DYNC1I1: variants seen among roughly 807,000 people sequenced by gnomAD.
DYNC1I1 encodes cytoplasmic dynein 1 intermediate chain 1.
In DYNC1I1, 43 loss-of-function variants were observed where a neutral mutation model predicts 86.6. That is an observed-to-expected ratio of 0.50 (90% CI 0.39 to 0.64). DYNC1I1 has a LOEUF of 0.64. Among genes scored for constraint, DYNC1I1 ranks in the 30% least tolerant of loss-of-function variants. DYNC1I1 has a pLI of 0.00. For missense variants in DYNC1I1, 604 were observed against 788.8 expected, an observed-to-expected ratio of 0.77 and a Z score of 2.81; for synonymous variants, 262 against 283.7, an observed-to-expected ratio of 0.92 and a Z score of 0.77.
At chr7:96,051,459 C>A (rs1344068389) in intron 14 of DYNC1I1, among the ~76,000 whole-genome samples, 1 of 152,088 alleles carries the variant, frequency 6.6e-6, no homozygotes, top group African/African-American at 2.4e-5. Flanking sequence ...TTTTGGACAC[C>A]ACCCTGGGGT....
intron 14 of DYNC1I1, among the ~76,000 whole-genome samples, chr7:96,051,222 G>A (rs1362064895): frequency 6.6e-6 from 1 of 152,010 alleles, no homozygotes; most frequent in Non-Finnish European, 1.5e-5. Context: ...ATTTATTTTG[G>A]TCCTGGTACA....
Position 95,776,923 on chromosome 7 carries a change from G to A in DYNC1I1, c.-10+4150G>A, listed in dbSNP as rs560644115. On this transcript the variant is annotated intron_variant, in intron 1 of 16. Coordinates refer to ENST00000447467, the MANE Select transcript of DYNC1I1 (RefSeq NM_001135556.2). ...ATTTTTCTCTTTCTTTGACAAACAA[G>A]GAGATGCTTGGAGGGATTAAGTCAC... Among the ~76,000 whole-genome samples, 49 of 152,326 alleles carry A rather than the reference G, an allele frequency of 3.2e-4. 1 individual carries two copies. Among genetic ancestry groups the A allele is most frequent in the Non-Finnish European group, 2.4e-4 (16 of 68,042 alleles).
intron 1 of DYNC1I1, among the ~76,000 whole-genome samples, chr7:95,788,080 A>G (rs1313150469): frequency 2.0e-5 from 3 of 152,092 alleles, no homozygotes; most frequent in Non-Finnish European, 4.4e-5. Context: ...GGCTATTACA[A>G]GGAATTTGGC....
chr7:95,917,649 A>G (rs1791504329), intron 6 of DYNC1I1, among the ~76,000 whole-genome samples: 1 of 152,192 alleles, frequency 6.6e-6, no homozygotes, highest in South Asian at 2.1e-4. Flanking sequence ...TACCACGGGA[A>G]TTGCATTTGC....
At chr7:95,776,185 C>T (rs955887977) in intron 1 of DYNC1I1, among the ~76,000 whole-genome samples, 2 of 152,088 alleles carry the variant, frequency 1.3e-5, no homozygotes, top group Admixed American at 6.6e-5. Context: ...AGAGCAAGGC[C>T]CTGTCTTAAA....
chr7:95,854,373 A>G (rs1299878753), intron 5 of DYNC1I1, among the ~76,000 whole-genome samples: 3 of 152,114 alleles, frequency 2.0e-5, no homozygotes, highest in Non-Finnish European at 4.4e-5. Flanking sequence ...AGTTTATATT[A>G]TATTAAGGTG....
intron 5 of DYNC1I1, among the ~76,000 whole-genome samples, chr7:95,850,106 G>C (rs575424821): frequency 3.3e-5 from 5 of 151,890 alleles, no homozygotes; most frequent in African/African-American, 1.2e-4. Context: ...AGGTTTTTTA[G>C]TGAAGTCTTT....
At chr7:96,019,488 A>C (rs1239270494) in intron 10 of DYNC1I1, among the ~76,000 whole-genome samples, 1 of 152,062 alleles carries the variant, frequency 6.6e-6, no homozygotes, top group African/African-American at 2.4e-5. Context: ...ATTCTGACTA[A>C]ATTGGTATAG....
In DYNC1I1 at chr7:96,035,898, G is replaced by A. The variant is rs903199857; in HGVS notation, c.1364+146G>A. The A allele has an allele frequency of 2.0e-5, 27 of 1,332,588 alleles. 1 individual carries two copies. Among genetic ancestry groups the A allele is most frequent in the Non-Finnish European group, 2.8e-5 (27 of 968,538 alleles). The allele number at this position is 1,332,588 out of a possible 1,614,324, so 82.5% of individuals were successfully genotyped here. ...CTTCAACTCTTCATTATCTTAAAGA[G>A]CTGCATCTGCTCTGGTCATTAGCTG... On this transcript the variant is annotated intron_variant, in intron 13 of 16. Transcript: ENST00000447467.
chr7:96,041,626 A>C (rs1789055516), intron 14 of DYNC1I1, among the ~76,000 whole-genome samples: 1 of 152,216 alleles, frequency 6.6e-6, no homozygotes, highest in African/African-American at 2.4e-5. Context: ...CCAAGAGAGT[A>C]ACATTATTCA....
At chr7:95,850,328 T>C (rs978753446) in intron 5 of DYNC1I1, among the ~76,000 whole-genome samples, 2 of 152,308 alleles carry the variant, frequency 1.3e-5, no homozygotes, top group African/African-American at 4.8e-5. Flanking sequence ...TTGAGTATGA[T>C]GTTTGCTGTG....
intron 4 of DYNC1I1, among the ~76,000 whole-genome samples, chr7:95,815,026 T>G (rs1325357283): frequency 6.6e-6 from 1 of 152,152 alleles, no homozygotes; most frequent in East Asian, 1.9e-4. Context: ...TTAATGTATT[T>G]GACCATTTCT....
At chr7:95,965,525 C>T (rs574643126) in intron 6 of DYNC1I1, among the ~76,000 whole-genome samples, 15 of 152,140 alleles carry the variant, frequency 9.9e-5, no homozygotes, top group Non-Finnish European at 1.9e-4. Context: ...TTGCCATTAT[C>T]CAAGGAGAGT....
At chr7:96,108,250 T>G (rs557170048) in intron 16 of DYNC1I1, among the ~76,000 whole-genome samples, 9 of 152,176 alleles carry the variant, frequency 5.9e-5, no homozygotes, top group Non-Finnish European at 1.2e-4. Context: ...TTTGAGTGTA[T>G]GTTTACTGTC....
chr7:96,051,750 G>T (rs1300418601), intron 14 of DYNC1I1, among the ~76,000 whole-genome samples: 16 of 152,140 alleles, frequency 1.1e-4, no homozygotes, highest in Admixed American at 1.0e-3. Flanking sequence ...ATCCTCTGAT[G>T]GGGTTAAAAT....
intron 6 of DYNC1I1, among the ~76,000 whole-genome samples, chr7:95,910,533 G>A (rs1374789997): frequency 6.6e-6 from 1 of 152,162 alleles, no homozygotes; most frequent in African/African-American, 2.4e-5. Context: ...GAGGCTGAAG[G>A]GCAGGACAGG....
chr7:95,936,719 G>GA (rs1157516922), intron 6 of DYNC1I1, among the ~76,000 whole-genome samples: 18 of 151,800 alleles, frequency 1.2e-4, no homozygotes, highest in Admixed American at 1.0e-3. Context: ...TGTTCCAGGA[G>GA]AAAAAAATCA....
intron 10 of DYNC1I1, among the ~76,000 whole-genome samples, chr7:96,024,363 C>G (rs541477916): frequency 6.6e-6 from 1 of 152,234 alleles, no homozygotes; most frequent in South Asian, 2.1e-4. Context: ...TCCCAAAGTT[C>G]TGAGATTACA....
At chr7:95,777,672 C>T (rs75033193) in intron 1 of DYNC1I1, among the ~76,000 whole-genome samples, 8,273 of 152,214 alleles carry the variant, frequency 0.054, 286 homozygotes, top group African/African-American at 0.087. Flanking sequence ...ACAGCTAATG[C>T]CATCAATGTG....
Sources: allele counts gnomAD v4.1 joint callset (sites outside exome capture counted in the v4.1 genomes callset), GRCh38; gene constraint gnomAD v4.1.1; transcripts MANE v1.5; gene names NCBI Gene and HGNC (gene_info 2026-07-23, HGNC 2026-07-21).